Variants in WWOX observed in about 807,000 individuals in gnomAD.
The protein encoded by WWOX is WW domain containing oxidoreductase, also known as WW domain-containing oxidoreductase.
WWOX carries 69 observed loss-of-function variants against 46.2 expected under a neutral mutation model. That is an observed-to-expected ratio of 1.49 (90% CI 1.23 to 1.82). The LOEUF (loss-of-function observed/expected upper bound fraction) is 1.82, where lower values mean the gene tolerates loss of function less well. WWOX is among the 40% of genes most tolerant of loss of function. The pLI is 0.00. For synonymous variants in WWOX, 359 were observed against 202.6 expected (o/e 1.77, Z -6.56); for missense variants, 919 against 542.6 (o/e 1.69, Z -6.89).
At chr16:78,963,591 A>T (rs1430336054) in intron 8 of WWOX, among the ~76,000 whole-genome samples, 1 of 152,252 alleles carries the variant, frequency 6.6e-6, no homozygotes, top group African/African-American at 2.4e-5. Flanking sequence ...GTATTTGCTT[A>T]TGCTAGTTAT....
At chr16:78,937,702 G>A (rs1047206557) in intron 8 of WWOX, among the ~76,000 whole-genome samples, 4 of 151,708 alleles carry the variant, frequency 2.6e-5, no homozygotes, top group African/African-American at 9.7e-5. Context: ...TCGGCTTACT[G>A]CAACCTCCGC....
At chr16:78,962,918 TTTTA>T (rs1286499494) in intron 8 of WWOX, among the ~76,000 whole-genome samples, 5 of 152,216 alleles carry the variant, frequency 3.3e-5, no homozygotes, top group Non-Finnish European at 7.3e-5. Context: ...GTCTTGCTTC[TTTTA>T]CTCCTCATTA....
intron 8 of WWOX, among the ~76,000 whole-genome samples, chr16:78,737,244 C>G (rs866765924): frequency 6.6e-6 from 1 of 151,450 alleles, no homozygotes; most frequent in African/African-American, 2.4e-5. Context: ...GAATTACAAG[C>G]GCCCGCCACC....
At chr16:78,500,120 C>G (rs1281408825) in intron 8 of WWOX, among the ~76,000 whole-genome samples, 7 of 152,148 alleles carry the variant, frequency 4.6e-5, no homozygotes, top group African/African-American at 7.2e-5. Context: ...GTGTGCCATT[C>G]TAATGCATGA....
intron 4 of WWOX, among the ~76,000 whole-genome samples, chr16:78,163,578 C>G (rs748042957): frequency 6.6e-6 from 1 of 152,202 alleles, no homozygotes; most frequent in African/African-American, 2.4e-5. Flanking sequence ...TTTTGCAGAT[C>G]TTGGCCCCCA....
At chr16:78,382,854 C>A (rs1204120267) in intron 5 of WWOX, among the ~76,000 whole-genome samples, 1 of 151,898 alleles carries the variant, frequency 6.6e-6, no homozygotes, top group Admixed American at 6.6e-5. Flanking sequence ...AGTTCCTTCT[C>A]ACACTGCTAT....
chr16:78,772,467 A>G (rs994611499), intron 8 of WWOX, among the ~76,000 whole-genome samples: 13 of 152,068 alleles, frequency 8.5e-5, no homozygotes, highest in African/African-American at 3.1e-4. Flanking sequence ...GGTTGATTCC[A>G]GTAGACGTGT....
At chr16:78,179,653 G>C (rs887802162) in intron 5 of WWOX, 1 of 152,146 alleles carries the variant, frequency 6.6e-6, no homozygotes, top group South Asian at 2.1e-4. Context: ...CATTAATTCA[G>C]TTCATCTTTA....
At chr16:78,457,004 A>T (rs1342300901) in intron 8 of WWOX, among the ~76,000 whole-genome samples, 1 of 152,238 alleles carries the variant, frequency 6.6e-6, no homozygotes. Context: ...CACTGCCTTA[A>T]ATGATGCTAC....
intron 8 of WWOX, among the ~76,000 whole-genome samples, chr16:78,709,533 T>C (rs909656856): frequency 9.9e-5 from 15 of 152,138 alleles, no homozygotes; most frequent in African/African-American, 2.9e-4. Flanking sequence ...GTGCCTCTTC[T>C]CTTCATTAGA....
chr16:78,503,471 A>G (rs1276558240), intron 8 of WWOX, among the ~76,000 whole-genome samples: 1 of 151,726 alleles, frequency 6.6e-6, no homozygotes, highest in African/African-American at 2.4e-5. Flanking sequence ...TTTTTTTTTG[A>G]TCAAGGTGAT....
intron 8 of WWOX, among the ~76,000 whole-genome samples, chr16:78,435,855 C>T (rs745947065): frequency 6.6e-5 from 10 of 152,030 alleles, no homozygotes; most frequent in East Asian, 1.9e-4. Context: ...GTGTAAGGAC[C>T]GACAATAATG....
chr16:78,796,155 C>T (rs1006203690), intron 8 of WWOX, among the ~76,000 whole-genome samples: 2 of 152,184 alleles, frequency 1.3e-5, no homozygotes, highest in African/African-American at 4.8e-5. Flanking sequence ...GACTTTCTTC[C>T]TTAATCAGGA....
At chr16:78,804,234 C>A (rs1027354177) in intron 8 of WWOX, among the ~76,000 whole-genome samples, 16 of 152,076 alleles carry the variant, frequency 1.1e-4, no homozygotes, top group Non-Finnish European at 2.9e-5. Flanking sequence ...GAACACAGTG[C>A]GCCCTCACTA....
At chr16:78,968,142 ACAGCGCGTGGTCCG>A (rs1567446095) in intron 8 of WWOX, among the ~76,000 whole-genome samples, 7 of 150,828 alleles carry the variant, frequency 4.6e-5, no homozygotes, top group Admixed American at 1.3e-4. Flanking sequence ...TCCGTGTGGC[ACAGCGCGTGGTCCG>A]CGTGGCACAG....
intron 6 of WWOX, among the ~76,000 whole-genome samples, chr16:78,394,031 A>G (rs1383397566): frequency 6.6e-6 from 1 of 152,194 alleles, no homozygotes; most frequent in Non-Finnish European, 1.5e-5. Flanking sequence ...TGCTGTCTCA[A>G]ATCCATCTAG....
intron 8 of WWOX, among the ~76,000 whole-genome samples, chr16:78,814,734 A>C (rs148922468): frequency 1.6e-3 from 239 of 152,324 alleles, no homozygotes; most frequent in African/African-American, 5.5e-3. Flanking sequence ...CCTTCATGTA[A>C]CAACTAATGT....
intron 5 of WWOX, among the ~76,000 whole-genome samples, chr16:78,356,242 T>A (rs935688314): frequency 6.6e-6 from 1 of 152,064 alleles, no homozygotes; most frequent in African/African-American, 2.4e-5. Flanking sequence ...TATACACATA[T>A]ATAAAATATA....
At chr16:78,283,892 C>A (rs2079725680) in intron 5 of WWOX, among the ~76,000 whole-genome samples, 1 of 152,136 alleles carries the variant, frequency 6.6e-6, no homozygotes, top group South Asian at 2.1e-4. Context: ...CTGTCCATTC[C>A]TGTGAGGTGG....
Sources: allele counts gnomAD v4.1 joint callset (sites outside exome capture counted in the v4.1 genomes callset), GRCh38; gene constraint gnomAD v4.1.1; transcripts MANE v1.5; gene names NCBI Gene and HGNC (gene_info 2026-07-23, HGNC 2026-07-21).